The following GPC6 variants were observed in gnomAD, a reference collection of about 807,000 sequenced individuals.
The protein encoded by GPC6 is glypican-6.
A neutral mutation model predicts 55.2 loss-of-function variants in GPC6; 14 were observed. The ratio of observed to expected loss-of-function variants is 0.25; its 90% CI spans 0.17 to 0.40. GPC6 has a LOEUF of 0.40. Among genes scored for constraint, GPC6 ranks in the 10% least tolerant of loss-of-function variants. GPC6 has a pLI of 1.00. For missense variants in GPC6, 641 were observed against 708.5 expected (o/e 0.90, Z 1.08); for synonymous variants, 278 against 259.6 (o/e 1.07, Z -0.68).
intron 4 of GPC6, among the ~76,000 whole-genome samples, chr13:94,267,277 A>G (rs896466445): frequency 6.6e-6 from 1 of 152,130 alleles, no homozygotes; most frequent in African/African-American, 2.4e-5. Flanking sequence ...GTTTGTTGAT[A>G]TGGAAATGGT....
At chr13:93,508,996 G>A (rs1254659661) in intron 1 of GPC6, among the ~76,000 whole-genome samples, 2 of 152,182 alleles carry the variant, frequency 1.3e-5, no homozygotes, top group Non-Finnish European at 2.9e-5. Flanking sequence ...CACCTGTTGA[G>A]AGGTGACTCC....
intron 4 of GPC6, among the ~76,000 whole-genome samples, chr13:94,241,351 C>G (rs914396569): frequency 6.6e-6 from 1 of 152,112 alleles, no homozygotes; most frequent in South Asian, 2.1e-4. Context: ...AACTGATTGT[C>G]GGCTTTTTTT....
At chr13:93,630,155 T>G (rs562097798) in intron 2 of GPC6, among the ~76,000 whole-genome samples, 6 of 152,234 alleles carry the variant, frequency 3.9e-5, no homozygotes, top group Admixed American at 2.0e-4. Context: ...ATTAGCCTAA[T>G]TGACTGTGCA....
At chr13:94,150,111 G>A (rs1281832376) in intron 4 of GPC6, among the ~76,000 whole-genome samples, 3 of 152,046 alleles carry the variant, frequency 2.0e-5, no homozygotes, top group Non-Finnish European at 4.4e-5. Context: ...TCAGAGAACA[G>A]TGCCATCTGC....
intron 4 of GPC6, among the ~76,000 whole-genome samples, chr13:94,124,874 A>T (rs534359861): frequency 6.6e-5 from 10 of 152,168 alleles, no homozygotes; most frequent in Non-Finnish European, 1.5e-4. Flanking sequence ...CCCAAATGGA[A>T]TGGCAAGAAG....
At chr13:93,494,052 C>T (rs1205345588) in intron 1 of GPC6, among the ~76,000 whole-genome samples, 4 of 126,952 alleles carry the variant, frequency 3.2e-5, no homozygotes, top group South Asian at 2.7e-4. Context: ...CTTGGTGCAG[C>T]GCTGAGTTCA....
chr13:93,893,258 C>T (rs555328287), intron 3 of GPC6, among the ~76,000 whole-genome samples: 1 of 152,118 alleles, frequency 6.6e-6, no homozygotes, highest in East Asian at 1.9e-4. Context: ...AGTGTTTCAC[C>T]ATGTTGGCCA....
intron 7 of GPC6, among the ~76,000 whole-genome samples, chr13:94,395,595 T>C: frequency 6.6e-6 from 1 of 152,204 alleles, no homozygotes; most frequent in East Asian, 1.9e-4. Flanking sequence ...TTTCTCTGTG[T>C]AGTTCTTCTT....
chr13:93,892,145 AGTGT>A (rs1030282260), intron 3 of GPC6, among the ~76,000 whole-genome samples: 1 of 151,970 alleles, frequency 6.6e-6, no homozygotes, highest in Admixed American at 6.6e-5. Context: ...GCACATATAT[AGTGT>A]GTGTATGTAT....
intron 1 of GPC6, among the ~76,000 whole-genome samples, chr13:93,445,518 T>C (rs1877968082): frequency 6.6e-6 from 1 of 152,346 alleles, no homozygotes; most frequent in South Asian, 2.1e-4. Flanking sequence ...CAAACTTCTC[T>C]ATTTTAAGAG....
intron 7 of GPC6, among the ~76,000 whole-genome samples, chr13:94,394,273 A>G (rs1002854824): frequency 1.3e-5 from 2 of 152,228 alleles, no homozygotes; most frequent in African/African-American, 4.8e-5. Flanking sequence ...CCACTTGCCC[A>G]GGGCAAGCCG....
intron 1 of GPC6, among the ~76,000 whole-genome samples, chr13:93,516,925 T>C (rs1173432486): frequency 6.6e-6 from 1 of 152,150 alleles, no homozygotes; most frequent in Admixed American, 6.6e-5. Context: ...TGGTCAGGAC[T>C]GTATGTGGTG....
intron 4 of GPC6, among the ~76,000 whole-genome samples, chr13:94,116,176 C>T (rs1240595926): frequency 6.6e-6 from 1 of 151,990 alleles, no homozygotes; most frequent in East Asian, 1.9e-4. Context: ...AAATAGTTAA[C>T]TAAATAGTTC....
chr13:93,592,959 CAAAT>C (rs1877558321), intron 2 of GPC6, among the ~76,000 whole-genome samples: 1 of 151,706 alleles, frequency 6.6e-6, no homozygotes, highest in African/African-American at 2.4e-5. Flanking sequence ...CAGATAAGGT[CAAAT>C]AAATGATATT....
intron 4 of GPC6, among the ~76,000 whole-genome samples, chr13:94,200,953 G>C (rs184984057): frequency 2.0e-4 from 31 of 152,312 alleles, no homozygotes; most frequent in Non-Finnish European, 3.5e-4. Flanking sequence ...CAGGAAACAG[G>C]CAGCGCAAAA....
intron 4 of GPC6, among the ~76,000 whole-genome samples, chr13:94,195,986 G>C (rs1303005276): frequency 6.6e-6 from 1 of 152,222 alleles, no homozygotes; most frequent in African/African-American, 2.4e-5. Flanking sequence ...TGTTTGCTCA[G>C]TGTGCTGGGA....
At chr13:93,547,205 G>A (rs933058426) in intron 2 of GPC6, among the ~76,000 whole-genome samples, 2 of 151,620 alleles carry the variant, frequency 1.3e-5, no homozygotes, top group African/African-American at 2.4e-5. Flanking sequence ...AATTAGCTGG[G>A]CGTGGTGCCA....
intron 2 of GPC6, among the ~76,000 whole-genome samples, chr13:93,678,782 G>A (rs1437189684): frequency 6.6e-6 from 1 of 152,126 alleles, no homozygotes. Flanking sequence ...GTGGAACGGA[G>A]CTCAGTGGGA....
At chr13:93,621,688 A>G (rs897230008) in intron 2 of GPC6, among the ~76,000 whole-genome samples, 1 of 152,188 alleles carries the variant, frequency 6.6e-6, no homozygotes, top group Non-Finnish European at 1.5e-5. Flanking sequence ...CGACCTTAGG[A>G]TGGGAGATCT....
Sources: allele counts gnomAD v4.1 joint callset (sites outside exome capture counted in the v4.1 genomes callset), GRCh38; gene constraint gnomAD v4.1.1; transcripts MANE v1.5; gene names NCBI Gene and HGNC (gene_info 2026-07-23, HGNC 2026-07-21).